Variants in ADARB2 observed in about 807,000 individuals in gnomAD.
The protein encoded by ADARB2 is inactive double-stranded RNA-specific editase B2.
Under a neutral mutation model 62.2 loss-of-function variants are expected in ADARB2, and 25 were observed. The observed-to-expected ratio is 0.40, with a 90% CI of 0.29 to 0.56. ADARB2 has a LOEUF of 0.56. Ranked by LOEUF, ADARB2 falls within the 20% of genes least tolerant of loss-of-function variation. ADARB2 has a pLI of 0.43. For missense variants in ADARB2, 1,071 were observed against 1,077.4 expected (o/e 0.99, Z 0.08); for synonymous variants, 572 against 500.8 (o/e 1.14, Z -1.90).
At chr10:1,609,639 T>G (rs1833542582) in intron 1 of ADARB2, among the ~76,000 whole-genome samples, 3 of 152,264 alleles carry the variant, frequency 2.0e-5, no homozygotes, top group African/African-American at 7.2e-5. Context: ...CTCTTAACTG[T>G]GTGTCTGTAA....
At chr10:1,330,233 A>G in intron 3 of ADARB2, among the ~76,000 whole-genome samples, 1 of 152,092 alleles carries the variant, frequency 6.6e-6, no homozygotes, top group East Asian at 1.9e-4. Flanking sequence ...GAGGATGTGC[A>G]GCTGTGAGCC....
chr10:1,693,030 C>T (rs1321989469), intron 1 of ADARB2, among the ~76,000 whole-genome samples: 2 of 152,168 alleles, frequency 1.3e-5, no homozygotes, highest in Non-Finnish European at 2.9e-5. Context: ...TTTTGGAAGT[C>T]TCTTCCCTCT....
At chr10:1,523,460 G>A (rs765438562) in intron 1 of ADARB2, among the ~76,000 whole-genome samples, 1 of 152,100 alleles carries the variant, frequency 6.6e-6, no homozygotes, top group Non-Finnish European at 1.5e-5. Context: ...TGCTTGCTGG[G>A]CCATCCCACC....
chr10:1,687,921 C>A (rs1466786336), intron 1 of ADARB2, among the ~76,000 whole-genome samples: 1 of 152,174 alleles, frequency 6.6e-6, no homozygotes, highest in Non-Finnish European at 1.5e-5. Context: ...CTAAACGGAG[C>A]AGTTGAAATG....
intron 1 of ADARB2, among the ~76,000 whole-genome samples, chr10:1,423,669 C>T (rs1046399717): frequency 1.3e-5 from 2 of 151,680 alleles, no homozygotes. Flanking sequence ...TGCAGTAGGT[C>T]CACTATGTAT....
chr10:1,466,182 T>C (rs71491397), intron 1 of ADARB2, among the ~76,000 whole-genome samples: 15,722 of 152,292 alleles, frequency 0.1, 875 homozygotes, highest in Middle Eastern at 0.2. Context: ...AGAGAGCCCA[T>C]GGGTGACATG....
chr10:1,479,388 A>T (rs9630069), intron 1 of ADARB2, among the ~76,000 whole-genome samples: 37,579 of 152,138 alleles, frequency 0.25, 4,785 homozygotes, highest in East Asian at 0.47. Flanking sequence ...GATTCCTTTC[A>T]GACCCTCGGC....
chr10:1,586,913 C>A (rs1771639969), intron 1 of ADARB2, among the ~76,000 whole-genome samples: 2 of 152,086 alleles, frequency 1.3e-5, no homozygotes, highest in South Asian at 4.2e-4. Flanking sequence ...GTAATGAAAT[C>A]AATATATAAG....
Position 1,480,409 on chromosome 10 carries a change from A to T in ADARB2, c.101-101249T>A, listed in dbSNP as rs1412657312. On this transcript the variant is annotated intron_variant, in intron 1 of 9. Coordinates refer to ENST00000381312, the MANE Select transcript of ADARB2 (RefSeq NM_018702.4). ...ATCAATCTGAAAAGGAAATTAAGAA[A>T]AAGTTCTGGCCGGGCGTGGTGGCTC... 4.6e-5 allele frequency among the ~76,000 whole-genome samples: 7 copies of T among 152,338 alleles called. No individual in the cohort carries two copies. In the East Asian group the frequency reaches 1.4e-3, roughly 29 times the overall value.
intron 3 of ADARB2, among the ~76,000 whole-genome samples, chr10:1,272,159 C>A (rs1831268919): frequency 6.6e-6 from 1 of 152,190 alleles, no homozygotes; most frequent in South Asian, 2.1e-4. Flanking sequence ...TCTGAGCAGC[C>A]AAATCAATTC....
At chr10:1,437,695 C>G (rs564784452) in intron 1 of ADARB2, among the ~76,000 whole-genome samples, 36 of 151,070 alleles carry the variant, frequency 2.4e-4, no homozygotes, top group African/African-American at 7.5e-4. Flanking sequence ...GAAGAGCGTC[C>G]TGGGCAGGAG....
chr10:1,655,543 G>A lies in ADARB2; in HGVS notation c.100+81508C>T, dbSNP rs534212087. On this transcript the variant is annotated intron_variant, in intron 1 of 9. Coordinates refer to ENST00000381312, the MANE Select transcript of ADARB2 (RefSeq NM_018702.4). ...GAACCACTGTAAAACTGTCCTGTGT[G>A]TTTAACTATCAAAATAAAGGAGTGC... Among the ~76,000 whole-genome samples the A allele has an allele frequency of 4.1e-4, 62 of 152,296 alleles. 1 individual carries two copies. The highest frequency in any genetic ancestry group is 2.0e-3 in the Admixed American group (30 of 15,302).
chr10:1,373,457 T>C (rs1832391548), intron 2 of ADARB2, among the ~76,000 whole-genome samples: 1 of 152,272 alleles, frequency 6.6e-6, no homozygotes, highest in South Asian at 2.1e-4. Flanking sequence ...GTGTGTAACA[T>C]AACCAGTGCG....
At chr10:1,196,033 G>A (rs1323469111) in intron 8 of ADARB2, among the ~76,000 whole-genome samples, 1 of 151,994 alleles carries the variant, frequency 6.6e-6, no homozygotes, top group African/African-American at 2.4e-5. Flanking sequence ...TCTCCCGTCC[G>A]CTTACCTCAC....
chr10:1,287,067 C>T (rs979705544), intron 3 of ADARB2, among the ~76,000 whole-genome samples: 7 of 152,240 alleles, frequency 4.6e-5, no homozygotes, highest in South Asian at 2.1e-4. Context: ...TTTGAGGAGG[C>T]GTATGTTGGG....
At chr10:1,447,766 T>C (rs1331692808) in intron 1 of ADARB2, among the ~76,000 whole-genome samples, 2 of 152,180 alleles carry the variant, frequency 1.3e-5, no homozygotes, top group Non-Finnish European at 2.9e-5. Flanking sequence ...TGTCTATTGT[T>C]TCCTTTTTCA....
chr10:1,316,707 CA>C (rs1235513958), intron 3 of ADARB2, among the ~76,000 whole-genome samples: 1 of 152,210 alleles, frequency 6.6e-6, no homozygotes, highest in Admixed American at 6.5e-5. Context: ...ACCCCATGTG[CA>C]CTGGCCTGGC....
chr10:1,388,444 C>T (rs913958983), intron 1 of ADARB2, among the ~76,000 whole-genome samples: 3 of 152,068 alleles, frequency 2.0e-5, no homozygotes, highest in African/African-American at 7.2e-5. Flanking sequence ...ACTTTATCCT[C>T]ATGGCATGAT....
chr10:1,254,938 T>A (rs948335524), intron 4 of ADARB2, among the ~76,000 whole-genome samples: 1 of 152,248 alleles, frequency 6.6e-6, no homozygotes, highest in African/African-American at 2.4e-5. Flanking sequence ...AAATGCTGAC[T>A]CTGTCCAACT....
Sources: gnomAD v4.1 joint callset for allele counts (sites outside exome capture counted in the v4.1 genomes callset) on GRCh38, gnomAD v4.1.1 for gene constraint, MANE v1.5 for transcripts, NCBI Gene and HGNC (gene_info 2026-07-23, HGNC 2026-07-21) for gene names.